The following UCN3 variants were observed in gnomAD, a reference collection of about 807,000 sequenced individuals.
UCN3 encodes urocortin 3.
Under a neutral mutation model 3.6 loss-of-function variants are expected in UCN3, and 3 were observed. That is an observed-to-expected ratio of 0.83 (90% confidence interval 0.38 to 2.15). The LOEUF (loss-of-function observed/expected upper bound fraction) is 2.15, where lower values mean the gene tolerates loss of function less well. Among genes scored for constraint, UCN3 ranks in the 30% most tolerant of loss-of-function variants. The probability of loss-of-function intolerance (pLI) is 0.06; values close to 1 mark genes in which losing one functional copy is unlikely to be tolerated. For synonymous variants in UCN3, 100 were observed against 93.2 expected (o/e 1.07, Z -0.42); for missense variants, 206 against 208.3 (o/e 0.99, Z 0.07).
chr10:5,370,938 C>A (rs1285371821), intron 1 of UCN3, among the ~76,000 whole-genome samples: 1 of 102,970 alleles, frequency 9.7e-6, no homozygotes, highest in African/African-American at 3.9e-5. Context: ...TATGTGTGTT[C>A]ATGTGTATGT....
chr10:5,369,903 G>GTGCGTGTATA (rs1831319893), intron 1 of UCN3, among the ~76,000 whole-genome samples: 1 of 98,390 alleles, frequency 1.0e-5, no homozygotes, highest in African/African-American at 4.5e-5. Flanking sequence ...GTGTGTATAT[G>GTGCGTGTATA]TGTGTGTGTA....
intron 1 of UCN3, among the ~76,000 whole-genome samples, chr10:5,370,245 GTATGCGTGTGTATATGCGTGTGTA>G (rs1439304076): frequency 1.7e-5 from 1 of 57,400 alleles, no homozygotes; most frequent in Admixed American, 2.2e-4. Flanking sequence ...ATGCGTGTGT[GTATGCGTGTGTATATGCGTGTGTA>G]TATGCGTGTG....
Position 5,367,526 on chromosome 10 carries a change from C to T in UCN3, c.-7+2296C>T, listed in dbSNP as rs887781507. On this transcript the variant is annotated intron_variant, in intron 1 of 1. Transcript: ENST00000380433. The surrounding 1 kb of genome is among the most constrained non-coding windows in gnomAD (Gnocchi z 4.3). ...ATGATTTAGTATAAGGCACTATTGG[C>T]CATGTCAGGCTTTTCCAAGCATCCT... Among the ~76,000 whole-genome samples the T allele has an allele frequency of 6.6e-6, 1 of 152,156 alleles. No individual in the cohort carries two copies. The highest frequency in any genetic ancestry group is 2.4e-5 in the African/African-American group (1 of 41,428).
chr10:5,370,919 G>GTGTGTGTTT, intron 1 of UCN3, among the ~76,000 whole-genome samples: 2 of 142,152 alleles, frequency 1.4e-5, no homozygotes, highest in Non-Finnish European at 3.0e-5. Context: ...GTGTGTATAT[G>GTGTGTGTTT]CGTGTGTATA....
chr10:5,369,862 G>GGTGTGTGTGTGTGTGTGT (rs1348226825), intron 1 of UCN3, among the ~76,000 whole-genome samples: 1 of 99,520 alleles, frequency 1.0e-5, no homozygotes, highest in African/African-American at 3.8e-5. Flanking sequence ...TATCCACGTG[G>GGTGTGTGTGTGTGTGTGT]GTGTGTGTGT....
chr10:5,371,078 ATG>A (rs1831419181), intron 1 of UCN3, among the ~76,000 whole-genome samples: 1 of 145,872 alleles, frequency 6.9e-6, no homozygotes, highest in Non-Finnish European at 1.5e-5. Context: ...TGAGGTGTGT[ATG>A]TGTGTGCATG....
rs1831460071 is a variant in UCN3 at position 5,373,745 on chromosome 10, C to T, written c.25C>T (p.Leu9=). Residue 9 remains leucine, a synonymous_variant, in exon 2 of 2, where the codon CTG becomes TTG. Transcript: ENST00000380433. MLMPVHFL[L]LLLLLLGGPR... ...GATGCTGATGCCGGTCCACTTCCTG[C>T]TGCTCCTGCTGCTGCTCCTGGGGGG... is the stretch of plus-strand genomic sequence containing the variant. 7 of 1,613,756 alleles carry T rather than the reference C, an allele frequency of 4.3e-6. No individual in the cohort carries two copies. Among genetic ancestry groups the T allele is most frequent in the African/African-American group, 1.3e-5 (1 of 74,890 alleles).
At chr10:5,370,913 G>GTT (rs1554811441) in intron 1 of UCN3, among the ~76,000 whole-genome samples, 10 of 146,094 alleles carry the variant, frequency 6.8e-5, no homozygotes, top group Non-Finnish European at 9.0e-5. Flanking sequence ...ATATGCGTGT[G>GTT]TATATGCGTG....
rs1554810756 is a variant in UCN3, at chr10:5,367,144, A to G, written c.-7+1914A>G. On this transcript the variant is annotated intron_variant, in intron 1 of 1. Coordinates refer to ENST00000380433, the MANE Select transcript of UCN3 (RefSeq NM_053049.4). This position sits in a 1 kb window ranked among gnomAD's most constrained non-coding sequence, Gnocchi z 4.3. ...CTTTTGTAACTGAGATGAGACAGGT[A>G]GCACTTCCAGGGAACACATCCAGAG... Among the ~76,000 whole-genome samples the G allele has an allele frequency of 6.6e-6, 1 of 152,256 alleles. No homozygotes were observed. The highest frequency in any genetic ancestry group is 1.5e-5 in the Non-Finnish European group (1 of 68,046).
intron 1 of UCN3, among the ~76,000 whole-genome samples, chr10:5,373,014 C>G (rs1318533122): frequency 2.6e-5 from 4 of 152,084 alleles, no homozygotes; most frequent in African/African-American, 9.7e-5. Context: ...AGATCATAGA[C>G]AGTGTTGGCA....
At chr10:5,371,059 A>T (rs1014638601) in intron 1 of UCN3, among the ~76,000 whole-genome samples, 3 of 138,966 alleles carry the variant, frequency 2.2e-5, no homozygotes, top group Non-Finnish European at 3.1e-5. Flanking sequence ...GTGTGTATGT[A>T]TGTACGTGTG....
Position 5,374,064 on chromosome 10 carries a change from C to T in UCN3, c.344C>T (p.Pro115Leu), listed in dbSNP as rs201708420. The T allele has an allele frequency of 2.2e-5, 35 of 1,613,454 alleles. No homozygotes were observed. The highest frequency in any genetic ancestry group is 2.7e-5 in the Non-Finnish European group (32 of 1,179,806). ...CCACGCCAGGACACGGCCAAGAGTC[C>T]CCACCGCACCAAGTTCACCCTGTCC... ...GKPRQDTAKS[P>L]HRTKFTLSLD... is the part of the protein sequence containing the mutation. The change falls in exon 2 of 2, where the codon CCC (proline) becomes CTC (leucine). Residue 115 changes from proline (P) to leucine (L), a missense_variant. Physicochemically the swap from Pro to Leu is moderately conservative, Grantham distance 98. Transcript: ENST00000380433.
chr10:5,370,772 TATATGC>T (rs1831394427), intron 1 of UCN3, among the ~76,000 whole-genome samples: 2 of 140,138 alleles, frequency 1.4e-5, no homozygotes, highest in East Asian at 2.2e-4. Context: ...TATGCGTGTG[TATATGC>T]GTGTGTGTGT....
rs781895057 is a variant in UCN3, at chr10:5,370,675, ATGTG to A, written c.-6-3032_-6-3029del. Among the ~76,000 whole-genome samples the A allele has an allele frequency of 3.7e-4, 16 of 43,186 alleles. 2 individuals carry two copies. The highest frequency in any genetic ancestry group is 9.5e-4 in the African/African-American group (9 of 9,478). 28.3% of individuals were successfully genotyped at this position (43,186 alleles called of 152,430 possible). On this transcript the variant is annotated intron_variant, in intron 1 of 1. Transcript: ENST00000380433. The stretch of plus-strand genomic sequence containing the variant: ...TGTGTATGTGTGTGTATGTGTGTGT[ATGTG>A]TGTGTGTATGTGTGTATATGTGTGT...
At position 5,365,901 on chromosome 10, in the gene UCN3, G is replaced by A. The variant is rs570116635; in HGVS notation, c.-7+671G>A. ...GGGGTGTGTGCAGATACCTACAATGGCTAACTCCTACCTGTGAAGGGGAGA... is the reference window on the plus strand; with the variant it reads ...GGGGTGTGTGCAGATACCTACAATGACTAACTCCTACCTGTGAAGGGGAGA... On this transcript the variant is annotated intron_variant, in intron 1 of 1. Coordinates refer to ENST00000380433, the MANE Select transcript of UCN3 (RefSeq NM_053049.4). The surrounding 1 kb of genome is among the most constrained non-coding windows in gnomAD (Gnocchi z 4.4). 4.6e-5 allele frequency among the ~76,000 whole-genome samples: 7 copies of A among 152,286 alleles called. No individual in the cohort carries two copies. In the East Asian group the frequency reaches 1.2e-3, roughly 25 times the overall value.
chr10:5,370,247 A>G (rs1224088517), intron 1 of UCN3, among the ~76,000 whole-genome samples: 4 of 57,288 alleles, frequency 7.0e-5, no homozygotes, highest in Non-Finnish European at 6.6e-5. Flanking sequence ...GCGTGTGTGT[A>G]TGCGTGTGTA....
rs1193831566 is a variant in UCN3 at position 5,366,796 on chromosome 10, A to G, written c.-7+1566A>G. On this transcript the variant is annotated intron_variant, in intron 1 of 1. Transcript: ENST00000380433. This position sits in a 1 kb window ranked among gnomAD's most constrained non-coding sequence, Gnocchi z 4.2. ...TAACTTTGCATCATTGCTGATGGTA[A>G]GGGGACACCTTTCAATACCCTCACA... Among the ~76,000 whole-genome samples, 2 of 152,166 alleles carry G rather than the reference A, an allele frequency of 1.3e-5. No homozygotes were observed. Among genetic ancestry groups the G allele is most frequent in the African/African-American group, 4.8e-5 (2 of 41,422 alleles).
chr10:5,374,292 G>T lies in UCN3; in HGVS notation c.*86G>T. 1 of 835,878 alleles carries T rather than the reference G, an allele frequency of 1.2e-6. No homozygotes were observed. The highest frequency in any genetic ancestry group is 2.6e-5 in the Admixed American group (1 of 38,048). The allele number at this position is 835,878 out of a possible 1,614,324, so 51.8% of individuals were successfully genotyped here. A position where few individuals can be genotyped will look rare whatever the true frequency, so the allele number is the denominator to read the frequency against. ...GCGAGGGGGGGAGGGGAGGGGGAGG[G>T]TGCTGTCTGCTGGTTTGTGTTTTGT... On this transcript the variant is annotated 3_prime_UTR_variant, in exon 2 of 2. Coordinates refer to ENST00000380433, the MANE Select transcript of UCN3 (RefSeq NM_053049.4).
chr10:5,373,589 TG>T, intron 1 of UCN3, 125 bp from the exon 2 acceptor site: 8 of 1,438,822 alleles, frequency 5.6e-6, no homozygotes, highest in Non-Finnish European at 7.4e-6. Flanking sequence ...GCTGCTGGTC[TG>T]GGGGTCATAC....
Sources: allele counts gnomAD v4.1 joint callset (sites outside exome capture counted in the v4.1 genomes callset), GRCh38; gene constraint gnomAD v4.1.1; non-coding constraint Gnocchi (gnomAD v3.1); transcripts MANE v1.5; gene names NCBI Gene and HGNC (gene_info 2026-07-23, HGNC 2026-07-21).